GNAI1: variants seen among roughly 807,000 people sequenced by gnomAD.
The protein encoded by GNAI1 is G protein subunit alpha i1.
Under a neutral mutation model 38.9 loss-of-function variants are expected in GNAI1, and 11 were observed. The observed-to-expected ratio is 0.28, with a 90% CI of 0.18 to 0.47. GNAI1 has a LOEUF of 0.47. Ranked by LOEUF, GNAI1 falls within the 20% of genes least tolerant of loss-of-function variation. GNAI1 has a pLI of 0.99. For missense variants in GNAI1, 317 were observed against 436.9 expected (o/e 0.73, Z 2.45); for synonymous variants, 166 against 145.1 (o/e 1.14, Z -1.04).
chr7:80,163,143 A>G (rs1787952213), intron 1 of GNAI1, among the ~76,000 whole-genome samples: 1 of 152,122 alleles, frequency 6.6e-6, no homozygotes, highest in Non-Finnish European at 1.5e-5. Flanking sequence ...TATATGTGTC[A>G]GTTCTCTTTT....
chr7:80,194,821 G>GTA lies in GNAI1; in HGVS notation c.304-4403_304-4402dup, dbSNP rs373087721. Among the ~76,000 whole-genome samples the GTA allele has an allele frequency of 2.2e-4, 33 of 151,966 alleles. 1 individual carries two copies. In the East Asian group the frequency reaches 6.4e-3, roughly 29 times the overall value. On this transcript the variant is annotated intron_variant, in intron 3 of 7. Transcript: ENST00000649796. ...TCATAGTAGACTGTTTCTACATATT[G>GTA]TAGGCTTTTAATATCTGATAATAAC...
chr7:80,185,782 C>G (rs1346828395), intron 1 of GNAI1, among the ~76,000 whole-genome samples: 3 of 152,132 alleles, frequency 2.0e-5, no homozygotes, highest in Admixed American at 6.5e-5. Flanking sequence ...TTTACTCTTT[C>G]CTGTATGCTA....
chr7:80,196,674 G>A (rs1445355263), intron 3 of GNAI1, among the ~76,000 whole-genome samples: 3 of 151,832 alleles, frequency 2.0e-5, no homozygotes, highest in African/African-American at 7.2e-5. Flanking sequence ...AGAAGATTAG[G>A]TAGAATAATT....
In GNAI1 at chr7:80,210,949, C is replaced by G; in HGVS notation, c.591-20C>G. 1 of 1,607,886 alleles carries G rather than the reference C, an allele frequency of 6.2e-7. No homozygotes were observed. Among genetic ancestry groups the G allele is most frequent in the Non-Finnish European group, 8.5e-7 (1 of 1,174,502 alleles). On this transcript the variant is annotated intron_variant, in intron 5 of 7. Transcript: ENST00000649796. ...TTTTGAACATTTAATGTGATGTTAA[C>G]TCATTTCTCCTCTTAACAGAATGTT...
In GNAI1 at chr7:80,222,382, A is replaced by ATTTTTTTTT. The variant is rs67345654; in HGVS notation, c.*4900_*4908dup. Among the ~76,000 whole-genome samples, 9 of 127,866 alleles carry ATTTTTTTTT rather than the reference A, an allele frequency of 7.0e-5. No homozygotes were observed. The highest frequency in any genetic ancestry group is 9.7e-5 in the Non-Finnish European group (6 of 61,948). 83.9% of individuals were successfully genotyped at this position (127,866 alleles called of 152,430 possible). On this transcript the variant is annotated 3_prime_UTR_variant, in exon 8 of 8. Transcript: ENST00000649796. Reference sequence around the variant, plus strand: ...TGAAGGAGCTAGTTCTTCAAATTTAATTTTTTTTTTTTTTTTTTTCCTGAG... The same window carrying ATTTTTTTTT: ...TGAAGGAGCTAGTTCTTCAAATTTAATTTTTTTTTTTTTTTTTTTTTTTTTTTTCCTGAG...
chr7:80,165,639 C>A (rs1005396091), intron 1 of GNAI1, among the ~76,000 whole-genome samples: 1 of 152,098 alleles, frequency 6.6e-6, no homozygotes, highest in African/African-American at 2.4e-5. Flanking sequence ...ATTGAACATA[C>A]TGTGCATTTA....
chr7:80,151,639 T>C (rs1787728564), intron 1 of GNAI1, among the ~76,000 whole-genome samples: 1 of 152,230 alleles, frequency 6.6e-6, no homozygotes. Flanking sequence ...TCATCATGAA[T>C]GAAAAGGCTC....
intron 3 of GNAI1, among the ~76,000 whole-genome samples, chr7:80,193,152 G>A (rs539446959): frequency 6.6e-6 from 1 of 152,054 alleles, no homozygotes; most frequent in African/African-American, 2.4e-5. Flanking sequence ...TTCTTTTGCC[G>A]AATATCAAGG....
intron 1 of GNAI1, among the ~76,000 whole-genome samples, chr7:80,173,954 TGTG>T (rs1788139757): frequency 6.6e-6 from 1 of 152,092 alleles, no homozygotes; most frequent in Non-Finnish European, 1.5e-5. Flanking sequence ...CCAAATGTGG[TGTG>T]GTCATTTTTA....
At chr7:80,209,450 A>G (rs765625440) in intron 5 of GNAI1, among the ~76,000 whole-genome samples, 6 of 152,192 alleles carry the variant, frequency 3.9e-5, no homozygotes, top group Non-Finnish European at 7.3e-5. Context: ...GGGCTGTTGT[A>G]TTATTAAGGA....
At chr7:80,214,607 C>T (rs920746349) in intron 7 of GNAI1, among the ~76,000 whole-genome samples, 3 of 152,166 alleles carry the variant, frequency 2.0e-5, no homozygotes, top group Non-Finnish European at 4.4e-5. Context: ...TTCACATCCC[C>T]AGAGTTAAGA....
intron 1 of GNAI1, among the ~76,000 whole-genome samples, chr7:80,154,973 T>A (rs1369452089): frequency 6.6e-6 from 1 of 152,150 alleles, no homozygotes; most frequent in Non-Finnish European, 1.5e-5. Context: ...TAGTGAGATA[T>A]ATTACTAGAG....
intron 1 of GNAI1, among the ~76,000 whole-genome samples, chr7:80,143,056 A>G (rs1328798447): frequency 3.3e-5 from 5 of 152,212 alleles, no homozygotes; most frequent in Non-Finnish European, 5.9e-5. Context: ...AGCTTTCAGG[A>G]GCCAGCAGGC....
intron 3 of GNAI1, among the ~76,000 whole-genome samples, chr7:80,192,181 C>G (rs1180221230): frequency 6.6e-6 from 1 of 152,080 alleles, no homozygotes; most frequent in Non-Finnish European, 1.5e-5. Context: ...TTTTTACAAT[C>G]GATTCTCACT....
chr7:80,212,643 C>T lies in GNAI1; in HGVS notation c.721-73C>T, dbSNP rs561614728. 9.3e-5 allele frequency: 82 copies of T among 884,446 alleles called. No homozygotes were observed. The East Asian group carries it at 2.3e-3, about 25-fold the overall frequency. The allele number at this position is 884,446 out of a possible 1,614,324, so 54.8% of individuals were successfully genotyped here. The stretch of plus-strand genomic sequence containing the variant: ...ACTAAACTCTGTTTTATTACAACAC[C>T]TTTTATTTTTTAAAATAGTCCTCAA... On this transcript the variant is annotated intron_variant, in intron 6 of 7. Coordinates refer to ENST00000649796, the MANE Select transcript of GNAI1 (RefSeq NM_002069.6).
At chr7:80,159,573 G>C (rs577923316) in intron 1 of GNAI1, among the ~76,000 whole-genome samples, 2 of 152,210 alleles carry the variant, frequency 1.3e-5, no homozygotes, top group African/African-American at 4.8e-5. Context: ...ATTGAATCAG[G>C]GTAATTAGCA....
intron 1 of GNAI1, among the ~76,000 whole-genome samples, chr7:80,137,519 C>A (rs1407997845): frequency 6.6e-6 from 1 of 151,836 alleles, no homozygotes; most frequent in South Asian, 2.1e-4. Flanking sequence ...CGGGTTTCAC[C>A]ATGTTGGCCA....
intron 1 of GNAI1, among the ~76,000 whole-genome samples, chr7:80,144,345 C>G (rs1172566225): frequency 6.6e-6 from 1 of 151,546 alleles, no homozygotes; most frequent in East Asian, 1.9e-4. Context: ...AATATAAAAT[C>G]CTTTCTAAAA....
intron 3 of GNAI1, among the ~76,000 whole-genome samples, chr7:80,191,573 G>T (rs191021735): frequency 6.6e-6 from 1 of 152,154 alleles, no homozygotes; most frequent in South Asian, 2.1e-4. Flanking sequence ...TGTATTTTTA[G>T]TAAAGATGGG....
Sources: gnomAD v4.1 joint callset for allele counts (sites outside exome capture counted in the v4.1 genomes callset) on GRCh38, gnomAD v4.1.1 for gene constraint, MANE v1.5 for transcripts, NCBI Gene and HGNC (gene_info 2026-07-23, HGNC 2026-07-21) for gene names.